The following INTS13 variants were observed in gnomAD, a reference collection of about 807,000 sequenced individuals.
The protein encoded by INTS13 is asunder, spermatogenesis regulator homolog (Drosphila).
Under a neutral mutation model 90.2 loss-of-function variants are expected in INTS13, and 35 were observed. That is an observed-to-expected ratio of 0.39 (90% CI 0.30 to 0.51). The LOEUF is 0.51. Among genes scored for constraint, INTS13 ranks in the 20% least tolerant of loss-of-function variants. The pLI is 0.80. For missense variants in INTS13, 601 were observed against 851.2 expected (o/e 0.71, Z 3.66); for synonymous variants, 309 against 277.1 (o/e 1.11, Z -1.14).
In INTS13 at chr12:26,928,879, C is replaced by T. The variant is rs894760954; in HGVS notation, c.327G>A (p.Gly109=). Residue 109 remains glycine (G), a synonymous_variant, in exon 4 of 17, where the codon GGG becomes GGA. Coordinates refer to ENST00000261191, the MANE Select transcript of INTS13 (RefSeq NM_018164.3). ...QELMAALAAV[G]PPNPRADPEC... ...CTGGATCTGCCCGAGGATTAGGAGG[C>T]CCAACAGCGGCTAATGCTGCCATTA... is the stretch of plus-strand genomic sequence containing the variant. The T allele has an allele frequency of 6.2e-7, 1 of 1,614,084 alleles. No homozygotes were observed. Among genetic ancestry groups the T allele is most frequent in the Admixed American group, 1.7e-5 (1 of 60,022 alleles).
At chr12:26,911,027 G>A (rs1951759276) in intron 15 of INTS13, 151 bp downstream of exon 15, 4 of 740,512 alleles carry the variant, frequency 5.4e-6, no homozygotes, top group African/African-American at 1.8e-5. Context: ...TAGAGGTGGG[G>A]TTTCACCATG....
rs758034051 is a variant in INTS13 at position 26,914,021 on chromosome 12, A to T, written c.1527T>A (p.Asp509Glu). The change falls in exon 13 of 17, where the codon GAT becomes GAA. Residue 509 changes from aspartate (D) to glutamate (E), a missense_variant. Physicochemically the swap from Asp to Glu is conservative, Grantham distance 45 (BLOSUM62 2). Around this residue, in one of 3 missense-constraint regions of INTS13, gnomAD observed 228 missense variants for 272.5 expected, o/e 0.84. Coordinates refer to ENST00000261191, the MANE Select transcript of INTS13 (RefSeq NM_018164.3). Reference sequence around the variant, plus strand: ...TACCAACTGTGGAAATAGGTAGAGGATCATTTTTTCTTTCCATATCAACTA... The same window carrying T: ...TACCAACTGTGGAAATAGGTAGAGGTTCATTTTTTCTTTCCATATCAACTA... ...YNLVDMERKN[D>E]PLPISTVGTR... The T allele has an allele frequency of 6.2e-7, 1 of 1,611,330 alleles. No homozygotes were observed. The highest frequency in any genetic ancestry group is 1.1e-5 in the South Asian group (1 of 90,274).
At chr12:26,925,035 T>C (rs1369960431) in intron 6 of INTS13, among the ~76,000 whole-genome samples, 4 of 152,076 alleles carry the variant, frequency 2.6e-5, no homozygotes, top group Non-Finnish European at 1.5e-5. Context: ...GTTTTCATTA[T>C]CATAAAATAA....
intron 10 of INTS13, 78 bp from the exon 11 acceptor site, chr12:26,916,258 A>AT (rs897334759): frequency 7.9e-7 from 1 of 1,258,998 alleles, no homozygotes; most frequent in East Asian, 2.5e-5. Flanking sequence ...TTATGTCTAG[A>AT]TTTTTTCATT....
chr12:26,913,419 A>G (rs753905740), intron 14 of INTS13, 38 bp downstream of exon 14: 4 of 1,506,446 alleles, frequency 2.7e-6, no homozygotes, highest in Admixed American at 3.4e-5. Flanking sequence ...TGATATAACA[A>G]AAGGCACCAT....
intron 4 of INTS13, among the ~76,000 whole-genome samples, 191 bp downstream of exon 4, chr12:26,928,510 TAA>T (rs930637123): frequency 8.9e-5 from 13 of 146,778 alleles, no homozygotes; most frequent in African/African-American, 3.3e-4. Context: ...TTCAATGAGA[TAA>T]GTCTTTATTT....
chr12:26,917,556 G>T, intron 9 of INTS13, 88 bp downstream of exon 9: 1 of 1,356,902 alleles, frequency 7.4e-7, no homozygotes, highest in Non-Finnish European at 1.0e-6. Flanking sequence ...AATGAAAAAC[G>T]AAAATGCAAA....
intron 7 of INTS13, among the ~76,000 whole-genome samples, chr12:26,923,392 C>T (rs1205094813): frequency 6.6e-6 from 1 of 151,996 alleles, no homozygotes; most frequent in Non-Finnish European, 1.5e-5. Flanking sequence ...AGTGAAAAAC[C>T]GGCCAATGGC....
At chr12:26,926,166 A>G (rs1937863233) in intron 5 of INTS13, among the ~76,000 whole-genome samples, 1 of 152,342 alleles carries the variant, frequency 6.6e-6, no homozygotes, top group African/African-American at 2.4e-5. Context: ...TATATTGTGT[A>G]TTAATTTCCC....
chr12:26,913,603 G>C lies in INTS13; in HGVS notation c.1659C>G (p.Val553=). The part of the protein sequence containing the change: ...HINNSEKHQR[V]LECLMACRSK... ...TCCTGCATGCCATCAGACATTCCAA[G>C]ACTCTTTGATGTTTCTCTGAGTTGT... is the stretch of plus-strand genomic sequence containing the variant. Residue 553 remains valine, a synonymous_variant, in exon 14 of 17, where the codon GTC becomes GTG. Coordinates refer to ENST00000261191, the MANE Select transcript of INTS13 (RefSeq NM_018164.3). 1 of 1,614,044 alleles carries C rather than the reference G, an allele frequency of 6.2e-7. No homozygotes were observed. Among genetic ancestry groups the C allele is most frequent in the Non-Finnish European group, 8.5e-7 (1 of 1,180,010 alleles).
At chr12:26,920,227 T>C (rs777292847) in intron 8 of INTS13, among the ~76,000 whole-genome samples, 2 of 151,886 alleles carry the variant, frequency 1.3e-5, no homozygotes, top group African/African-American at 2.4e-5. Flanking sequence ...CAGTAAAACC[T>C]GCCTAACTCT....
At chr12:26,919,053 C>G in intron 8 of INTS13, 1 of 396,622 alleles carries the variant, frequency 2.5e-6, no homozygotes, top group Non-Finnish European at 5.2e-6. Context: ...GCAGTCCCAG[C>G]TACTCCGGAG....
At chr12:26,929,625 A>G (rs1039549524) in intron 3 of INTS13, among the ~76,000 whole-genome samples, 3 of 152,040 alleles carry the variant, frequency 2.0e-5, no homozygotes, top group African/African-American at 4.8e-5. Context: ...AGTCCTAGCT[A>G]CTTAGAAGAC....
intron 3 of INTS13, among the ~76,000 whole-genome samples, chr12:26,931,822 C>G (rs997292239): frequency 1.3e-5 from 2 of 152,150 alleles, no homozygotes; most frequent in African/African-American, 4.8e-5. Flanking sequence ...CGTGGTGGCT[C>G]ACACCTGTAA....
intron 15 of INTS13, among the ~76,000 whole-genome samples, chr12:26,908,263 T>C (rs1951669408): frequency 6.6e-6 from 1 of 152,280 alleles, no homozygotes; most frequent in South Asian, 2.1e-4. Context: ...GGAAATCTTT[T>C]GGGGTGACAG....
At chr12:26,920,144 C>G (rs1952067776) in intron 8 of INTS13, among the ~76,000 whole-genome samples, 1 of 148,340 alleles carries the variant, frequency 6.7e-6, no homozygotes, top group African/African-American at 2.5e-5. Context: ...AAAAAAAGAT[C>G]TGGAACTTAG....
intron 11 of INTS13, among the ~76,000 whole-genome samples, chr12:26,914,844 T>G (rs917462602): frequency 2.6e-5 from 4 of 152,130 alleles, no homozygotes; most frequent in Non-Finnish European, 5.9e-5. Flanking sequence ...CAAGGAACAC[T>G]TTTTTTCCCC....
Position 26,913,600 on chromosome 12 carries a change from C to T in INTS13, c.1662G>A (p.Leu554=), listed in dbSNP as rs765434863. 3.1e-6 allele frequency: 5 copies of T among 1,613,928 alleles called. No individual in the cohort carries two copies. Among genetic ancestry groups the T allele is most frequent in the Non-Finnish European group, 4.2e-6 (5 of 1,180,010 alleles). ...TGCTCCTGCATGCCATCAGACATTC[C>T]AAGACTCTTTGATGTTTCTCTGAGT... is the stretch of plus-strand genomic sequence containing the variant. ...INNSEKHQRV[L]ECLMACRSKP... is the part of the protein sequence containing the mutation. The change falls in exon 14 of 17, where the codon TTG becomes TTA. Residue 554 remains leucine, a synonymous_variant. Transcript: ENST00000261191.
At chr12:26,906,590 T>C (rs1951617244) in intron 15 of INTS13, 153 bp from the exon 16 acceptor site, 2 of 763,694 alleles carry the variant, frequency 2.6e-6, no homozygotes, top group African/African-American at 3.6e-5. Flanking sequence ...ATTAAGGCAA[T>C]CATTTTCCTC....
Sources: allele counts gnomAD v4.1 joint callset (sites outside exome capture counted in the v4.1 genomes callset), GRCh38; gene constraint gnomAD v4.1.1; regional missense constraint gnomAD v4.1.1; transcripts MANE v1.5; gene names NCBI Gene and HGNC (gene_info 2026-07-23, HGNC 2026-07-21).